ERBB4: variants seen among roughly 807,000 people sequenced by gnomAD.
The protein encoded by ERBB4 is erb-b2 receptor tyrosine kinase 4, also known as receptor tyrosine-protein kinase erbB-4.
ERBB4 carries 42 observed loss-of-function variants against 158.0 expected under a neutral mutation model. The observed-to-expected ratio is 0.27, with a 90% CI of 0.21 to 0.34. The LOEUF (loss-of-function observed/expected upper bound fraction) is 0.34, where lower values mean the gene tolerates loss of function less well. ERBB4 is among the 10% of genes least tolerant of loss of function. The pLI, the probability that ERBB4 is intolerant of heterozygous loss-of-function variation, is 1.00. For synonymous variants in ERBB4, 583 were observed against 558.7 expected (o/e 1.04, Z -0.61); for missense variants, 1,333 against 1,624.1 (o/e 0.82, Z 3.08).
intron 1 of ERBB4, among the ~76,000 whole-genome samples, chr2:212,442,298 T>C (rs1302991801): frequency 6.6e-6 from 1 of 152,150 alleles, no homozygotes; most frequent in African/African-American, 2.4e-5. Flanking sequence ...CAAATTTCCA[T>C]ACTTCAGTCA....
intron 12 of ERBB4, among the ~76,000 whole-genome samples, chr2:211,688,771 T>C (rs2072678255): frequency 6.6e-6 from 1 of 152,232 alleles, no homozygotes; most frequent in Non-Finnish European, 1.5e-5. Context: ...TATATTCTTC[T>C]ATTCTAATTA....
At chr2:211,614,369 T>A (rs2069307896) in intron 19 of ERBB4, among the ~76,000 whole-genome samples, 1 of 152,070 alleles carries the variant, frequency 6.6e-6, no homozygotes, top group Admixed American at 6.6e-5. Flanking sequence ...ACGAGGTTAC[T>A]ATAGTCAATG....
intron 1 of ERBB4, among the ~76,000 whole-genome samples, chr2:212,252,804 G>A (rs1169678592): frequency 6.6e-6 from 1 of 152,092 alleles, no homozygotes; most frequent in Non-Finnish European, 1.5e-5. Context: ...ACTTACACAT[G>A]TAGGTGTGAT....
At chr2:211,944,880 A>G (rs2080635839) in intron 3 of ERBB4, among the ~76,000 whole-genome samples, 1 of 152,098 alleles carries the variant, frequency 6.6e-6, no homozygotes, top group Non-Finnish European at 1.5e-5. Flanking sequence ...ATGGAGTTAA[A>G]AATGTAATAC....
chr2:212,229,057 G>A (rs2083574457), intron 1 of ERBB4, among the ~76,000 whole-genome samples: 1 of 152,200 alleles, frequency 6.6e-6, no homozygotes, highest in Non-Finnish European at 1.5e-5. Context: ...GGACATATCA[G>A]TATGGATTCA....
intron 16 of ERBB4, among the ~76,000 whole-genome samples, chr2:211,635,101 A>T (rs1012369806): frequency 1.1e-4 from 17 of 152,238 alleles, no homozygotes; most frequent in South Asian, 2.1e-4. Context: ...GAGTATTGCA[A>T]TTTTTTTGTC....
rs545028670 is a variant in ERBB4, at chr2:211,381,376, A to G, written c.*2239T>C. 1 of 232,250 alleles carries G rather than the reference A, an allele frequency of 4.3e-6. No individual in the cohort carries two copies. Among genetic ancestry groups the G allele is most frequent in the East Asian group, 6.1e-5 (1 of 16,418 alleles). The allele number at this position is 232,250 out of a possible 1,614,324, so 14.4% of individuals were successfully genotyped here. A position where few individuals can be genotyped will look rare whatever the true frequency, so the allele number is the denominator to read the frequency against. ...TTCTCCTAGACCAGTTTATGTTTGAATAATATTATTGAAATTATCCTGTTT... is the reference window on the plus strand; with the variant it reads ...TTCTCCTAGACCAGTTTATGTTTGAGTAATATTATTGAAATTATCCTGTTT... On this transcript the variant is annotated 3_prime_UTR_variant, in exon 28 of 28. Transcript: ENST00000342788.
At chr2:212,528,039 T>C (rs1055023778) in intron 1 of ERBB4, among the ~76,000 whole-genome samples, 1 of 151,812 alleles carries the variant, frequency 6.6e-6, no homozygotes, top group Non-Finnish European at 1.5e-5. Flanking sequence ...TTTCTCAAGA[T>C]AAGGCTTAAA....
chr2:212,164,119 C>G (rs2081279939), intron 1 of ERBB4, among the ~76,000 whole-genome samples: 2 of 151,684 alleles, frequency 1.3e-5, no homozygotes, highest in South Asian at 4.2e-4. Flanking sequence ...TTTTTGATAT[C>G]AAATAGGCTG....
intron 13 of ERBB4, among the ~76,000 whole-genome samples, chr2:211,678,810 AC>A (rs1156905191): frequency 6.6e-6 from 1 of 151,928 alleles, no homozygotes. Context: ...ACTAAAAAAT[AC>A]AAAAAATTAG....
At chr2:211,497,628 A>G (rs1159699817) in intron 20 of ERBB4, among the ~76,000 whole-genome samples, 1 of 152,128 alleles carries the variant, frequency 6.6e-6, no homozygotes, top group Non-Finnish European at 1.5e-5. Flanking sequence ...AGGCACATAC[A>G]TTGAGTTTAA....
At chr2:211,790,034 C>T (rs2106322579) in intron 3 of ERBB4, among the ~76,000 whole-genome samples, 1 of 152,002 alleles carries the variant, frequency 6.6e-6, no homozygotes, top group Non-Finnish European at 1.5e-5. Flanking sequence ...ACTTCTAAAA[C>T]CCAGTTCATT....
At chr2:211,448,323 T>C (rs867492829) in intron 20 of ERBB4, among the ~76,000 whole-genome samples, 7 of 152,142 alleles carry the variant, frequency 4.6e-5, no homozygotes, top group Non-Finnish European at 1.0e-4. Context: ...TAGACTCTGC[T>C]GGATTTTCCA....
chr2:211,466,689 G>C (rs1458918135), intron 20 of ERBB4, among the ~76,000 whole-genome samples: 1 of 152,088 alleles, frequency 6.6e-6, no homozygotes, highest in Non-Finnish European at 1.5e-5. Flanking sequence ...AGAAAAAAGT[G>C]TCAGAAAAGT....
intron 7 of ERBB4, among the ~76,000 whole-genome samples, chr2:211,718,202 G>C (rs757629833): frequency 6.6e-6 from 1 of 152,052 alleles, no homozygotes; most frequent in African/African-American, 2.4e-5. Flanking sequence ...ACGAGCCACC[G>C]TGCCTGGCCA....
At chr2:211,584,279 T>A (rs779305350) in intron 19 of ERBB4, among the ~76,000 whole-genome samples, 46 of 151,946 alleles carry the variant, frequency 3.0e-4, no homozygotes, top group Non-Finnish European at 6.3e-4. Context: ...TTTGTTTTTG[T>A]TGTTATTGTT....
rs559778769 is a variant in ERBB4, at chr2:211,824,115, C to T, written c.422-35956G>A. On this transcript the variant is annotated intron_variant, in intron 3 of 27. Coordinates refer to ENST00000342788, the MANE Select transcript of ERBB4 (RefSeq NM_005235.3). ...CAAGTGCTTTCCCATTGCCCTCTAGCTGCCAGTAACTCTCCACTGAAGCAT... is the reference window on the plus strand; with the variant it reads ...CAAGTGCTTTCCCATTGCCCTCTAGTTGCCAGTAACTCTCCACTGAAGCAT... Among the ~76,000 whole-genome samples, 135 of 152,132 alleles carry T rather than the reference C, an allele frequency of 8.9e-4. 1 individual carries two copies. Among genetic ancestry groups the T allele is most frequent in the African/African-American group, 3.2e-3 (132 of 41,548 alleles).
Position 212,015,040 on chromosome 2 carries a change from AAATATATATAT to A in ERBB4, c.235-67435_235-67425del, listed in dbSNP as rs2076481092. Among the ~76,000 whole-genome samples the A allele has an allele frequency of 1.6e-4, 2 of 12,232 alleles. 1 individual carries two copies. The highest frequency in any genetic ancestry group is 3.2e-4 in the African/African-American group (2 of 6,212). The allele number at this position is 12,232 out of a possible 152,430, so 8.0% of individuals were successfully genotyped here. A position where few individuals can be genotyped will look rare whatever the true frequency, so the allele number is the denominator to read the frequency against. ...ACCCCGTCTCTACTAAAAAAAAAAA[AAATATATATAT>A]ATATATATATATATATATATATATA... On this transcript the variant is annotated intron_variant, in intron 2 of 27. Coordinates refer to ENST00000342788, the MANE Select transcript of ERBB4 (RefSeq NM_005235.3).
intron 19 of ERBB4, among the ~76,000 whole-genome samples, chr2:211,578,194 C>G (rs1265199293): frequency 6.6e-6 from 1 of 152,054 alleles, no homozygotes; most frequent in Admixed American, 6.6e-5. Context: ...GAATGAACTC[C>G]CATTCACAAT....
Sources: allele counts gnomAD v4.1 joint callset (sites outside exome capture counted in the v4.1 genomes callset), GRCh38; gene constraint gnomAD v4.1.1; transcripts MANE v1.5; gene names NCBI Gene and HGNC (gene_info 2026-07-23, HGNC 2026-07-21).